GRSF1: variants seen among roughly 807,000 people sequenced by gnomAD.
The protein encoded by GRSF1 is G-rich RNA sequence binding factor 1, also known as G-rich sequence factor 1.
A neutral mutation model predicts 51.1 loss-of-function variants in GRSF1; 50 were observed. The observed-to-expected ratio is 0.98, with a 90% CI of 0.78 to 1.24. The LOEUF is 1.24. Ranked by LOEUF, GRSF1 falls within the 50% of genes most tolerant of loss-of-function variation. The pLI is 0.00. For missense variants in GRSF1, 700 were observed against 639.7 expected, an observed-to-expected ratio of 1.09 and a Z score of -1.02; for synonymous variants, 293 against 253.3, an observed-to-expected ratio of 1.16 and a Z score of -1.49.
chr4:70,827,806 C>A, intron 6 of GRSF1, 46 bp downstream of exon 6: 4 of 1,343,636 alleles, frequency 3.0e-6, no homozygotes, highest in South Asian at 1.3e-5. Flanking sequence ...AAACCCAAAA[C>A]ATTCAAGATA....
chr4:70,840,017 G>C, upstream of GRSF1: 2 of 526,826 alleles, frequency 3.8e-6, no homozygotes, highest in Non-Finnish European at 3.3e-6. Flanking sequence ...CCGCCCTTGG[G>C]CGGGGCTGCC....
At position 70,839,493 on chromosome 4, in the gene GRSF1, A is replaced by T; in HGVS notation, c.335T>A (p.Val112Asp). The T allele has an allele frequency of 7.1e-7, 1 of 1,411,850 alleles. No individual in the cohort carries two copies. 87.5% of individuals were successfully genotyped at this position (1,411,850 alleles called of 1,614,324 possible). A position where few individuals can be genotyped will look rare whatever the true frequency, so the allele number is the denominator to read the frequency against. ...LPQSLAAAAA[V>D]PTRSYSQESK... ...TACCTGGCTGTAGCTGCGCGTCGGG[A>T]CGGCGGCCGCCGCCGCCAGCGACTG... is the stretch of plus-strand genomic sequence containing the variant. Residue 112 changes from valine (V) to aspartate (D), a missense_variant, in exon 1 of 10, where the codon GTC (valine) becomes GAC (aspartate). Transcript: ENST00000254799.
At chr4:70,826,076 G>T (rs752025708) in intron 7 of GRSF1, 48 bp downstream of exon 7, 1 of 1,522,680 alleles carries the variant, frequency 6.6e-7, no homozygotes, top group South Asian at 1.2e-5. Flanking sequence ...TTCAATTTTA[G>T]AACTTTTGTT....
At position 70,839,696 on chromosome 4, in the gene GRSF1, C is replaced by A; in HGVS notation, c.132G>T (p.Ser44=). 1 of 1,457,408 alleles carries A rather than the reference C, an allele frequency of 6.9e-7. No homozygotes were observed. The highest frequency in any genetic ancestry group is 9.0e-7 in the Non-Finnish European group (1 of 1,115,946). 90.3% of individuals were successfully genotyped at this position (1,457,408 alleles called of 1,614,324 possible). A position where few individuals can be genotyped will look rare whatever the true frequency, so the allele number is the denominator to read the frequency against. ...SAAGSIPSGV[S]GRRRLLLLLG... ...GCAGCAGCAGCAGGCGGCGGCGGCC[C>A]GAGACGCCCGACGGGATAGAGCCAG... The change falls in exon 1 of 10, where the codon TCG becomes TCT. Residue 44 remains serine (S), a synonymous_variant. Coordinates refer to ENST00000254799, the MANE Select transcript of GRSF1 (RefSeq NM_002092.4).
intron 5 of GRSF1, among the ~76,000 whole-genome samples, chr4:70,830,157 G>A (rs115122820): frequency 9.8e-4 from 149 of 152,294 alleles, no homozygotes; most frequent in African/African-American, 3.5e-3. Flanking sequence ...GTCAGGTGCA[G>A]TGGCTCACAC....
chr4:70,838,896 G>C (rs561911526), intron 1 of GRSF1: 6 of 333,118 alleles, frequency 1.8e-5, no homozygotes, highest in East Asian at 1.7e-4. Context: ...TTGCAGAGGT[G>C]ACCTTCAGTA....
At chr4:70,836,120 G>GAA in intron 2 of GRSF1, 38 bp downstream of exon 2, 1 of 1,219,840 alleles carries the variant, frequency 8.2e-7, no homozygotes, top group South Asian at 1.9e-5. Context: ...ACAATATAAG[G>GAA]AAAAAAAATA....
intron 2 of GRSF1, among the ~76,000 whole-genome samples, chr4:70,834,391 T>C (rs1010194533): frequency 1.3e-5 from 2 of 150,770 alleles, no homozygotes; most frequent in African/African-American, 5.0e-5. Context: ...CTATTGTAAA[T>C]GTCTGTATTA....
chr4:70,837,442 T>C (rs1404415038), intron 1 of GRSF1, among the ~76,000 whole-genome samples: 1 of 149,968 alleles, frequency 6.7e-6, no homozygotes, highest in East Asian at 2.0e-4. Flanking sequence ...CGTGTGCCCG[T>C]AATCCCAGCT....
intron 9 of GRSF1, 82 bp downstream of exon 9, chr4:70,824,212 C>T (rs1003746797): frequency 1.3e-5 from 8 of 630,518 alleles, no homozygotes; most frequent in Non-Finnish European, 2.4e-5. Context: ...TCAGGTGGTC[C>T]GCCCACCTTG....
chr4:70,832,616 C>A (rs761324146), intron 3 of GRSF1, among the ~76,000 whole-genome samples, 166 bp from the exon 4 acceptor site: 1 of 152,220 alleles, frequency 6.6e-6, no homozygotes, highest in Non-Finnish European at 1.5e-5. Context: ...TGCATATTTA[C>A]CATGCGGGCA....
chr4:70,834,970 G>A (rs541150556), intron 2 of GRSF1, among the ~76,000 whole-genome samples: 2 of 152,082 alleles, frequency 1.3e-5, no homozygotes, highest in African/African-American at 4.8e-5. Flanking sequence ...GTTGGCCCTG[G>A]TGTCTTCTTG....
At position 70,833,839 on chromosome 4, in the gene GRSF1, C is replaced by T. The variant is rs1313370686; in HGVS notation, c.515-566G>A. On this transcript the variant is annotated intron_variant, in intron 2 of 9. Coordinates refer to ENST00000254799, the MANE Select transcript of GRSF1 (RefSeq NM_002092.4). ...CAGCCTTTTTCCCCTTTTCATACTG[C>T]ATACTTTTTATAATGGGAGTAGTCC... 4.6e-5 allele frequency among the ~76,000 whole-genome samples: 7 copies of T among 152,082 alleles called. No homozygotes were observed. In the East Asian group the frequency reaches 1.2e-3, roughly 25 times the overall value.
At chr4:70,841,021 C>T (rs1259764023), upstream of GRSF1, among the ~76,000 whole-genome samples, 6 of 152,046 alleles carry the variant, frequency 3.9e-5, no homozygotes, top group East Asian at 1.9e-4. Flanking sequence ...ATAGGCCTGG[C>T]GTGGTGGCTC....
rs1375866100 is a variant in GRSF1 at position 70,819,033 on chromosome 4, A to T, written c.*1854T>A. On this transcript the variant is annotated 3_prime_UTR_variant, in exon 10 of 10. Coordinates refer to ENST00000254799, the MANE Select transcript of GRSF1 (RefSeq NM_002092.4). ...ACAAAAGGGAGCATTCAAATACATAAAATGATTTCCCAATAATGGCCACAT... is the reference window on the plus strand; with the variant it reads ...ACAAAAGGGAGCATTCAAATACATATAATGATTTCCCAATAATGGCCACAT... The T allele has an allele frequency of 1.3e-5, 2 of 152,354 alleles. No individual in the cohort carries two copies. Among genetic ancestry groups the T allele is most frequent in the African/African-American group, 4.8e-5 (2 of 41,588 alleles). The allele number at this position is 152,354 out of a possible 1,614,324, so 9.4% of individuals were successfully genotyped here.
At chr4:70,839,949 T>TC (rs1553929594), upstream of GRSF1, 4 of 727,406 alleles carry the variant, frequency 5.5e-6, no homozygotes, top group African/African-American at 5.8e-5. Context: ...GGGCACTGGG[T>TC]GGGGGGCCTC....
chr4:70,831,523 T>C lies in GRSF1; in HGVS notation c.950+16A>G. The C allele has an allele frequency of 6.2e-7, 1 of 1,608,984 alleles. No homozygotes were observed. The highest frequency in any genetic ancestry group is 1.1e-5 in the South Asian group (1 of 90,478). The stretch of plus-strand genomic sequence containing the variant: ...ATGTGTAACACTTCTGCATCATTAG[T>C]ATCTGCTTTACTCACCGATTACCAA... On this transcript the variant is annotated intron_variant, in intron 5 of 9. Coordinates refer to ENST00000254799, the MANE Select transcript of GRSF1 (RefSeq NM_002092.4).
chr4:70,834,115 C>T (rs902208532), intron 2 of GRSF1, among the ~76,000 whole-genome samples: 1 of 151,980 alleles, frequency 6.6e-6, no homozygotes, highest in Admixed American at 6.6e-5. Context: ...AAAAATTAGC[C>T]GGGCATGGTG....
At chr4:70,828,062 C>A in intron 5 of GRSF1, 26 bp from the exon 6 acceptor site, 1 of 1,560,670 alleles carries the variant, frequency 6.4e-7, no homozygotes, top group Non-Finnish European at 8.8e-7. Flanking sequence ...AGTAAACAGG[C>A]ACAAATGGTG....
Sources: gnomAD v4.1 joint callset for allele counts (sites outside exome capture counted in the v4.1 genomes callset) on GRCh38, gnomAD v4.1.1 for gene constraint, MANE v1.5 for transcripts, NCBI Gene and HGNC (gene_info 2026-07-23, HGNC 2026-07-21) for gene names.